The following DNER variants were observed in gnomAD, a reference collection of about 807,000 sequenced individuals.
DNER encodes delta and Notch-like epidermal growth factor-related receptor.
A neutral mutation model predicts 78.2 loss-of-function variants in DNER; 33 were observed. That is an observed-to-expected ratio of 0.42 (90% confidence interval 0.32 to 0.56). The LOEUF (loss-of-function observed/expected upper bound fraction) is 0.56, where lower values mean the gene tolerates loss of function less well. Among genes scored for constraint, DNER ranks in the 20% least tolerant of loss-of-function variants. The pLI is 0.11. For missense variants in DNER, 918 were observed against 975.3 expected, an observed-to-expected ratio of 0.94 and a Z score of 0.78; for synonymous variants, 417 against 384.8, an observed-to-expected ratio of 1.08 and a Z score of -0.98.
intron 5 of DNER, among the ~76,000 whole-genome samples, chr2:229,525,204 G>T (rs1056746083): frequency 1.3e-5 from 2 of 152,166 alleles, no homozygotes; most frequent in Non-Finnish European, 2.9e-5. Context: ...CTTTAACCCA[G>T]CTTCACTTTC....
chr2:229,510,858 A>C (rs1695852783), intron 6 of DNER, among the ~76,000 whole-genome samples: 1 of 152,200 alleles, frequency 6.6e-6, no homozygotes, highest in Admixed American at 6.5e-5. Flanking sequence ...ACTTGGTATG[A>C]TGTCTGTGAT....
intron 1 of DNER, among the ~76,000 whole-genome samples, chr2:229,656,380 A>C (rs1308890809): frequency 6.6e-6 from 1 of 152,106 alleles, no homozygotes; most frequent in Non-Finnish European, 1.5e-5. Flanking sequence ...GCAGCAAAAA[A>C]CAGTCCCTAC....
chr2:229,455,499 T>C (rs1694552624), intron 7 of DNER, among the ~76,000 whole-genome samples: 1 of 152,022 alleles, frequency 6.6e-6, no homozygotes, highest in African/African-American at 2.4e-5. Flanking sequence ...TGGAATACCA[T>C]CCATTTTCAC....
At chr2:229,590,802 T>C (rs1420816894) in intron 2 of DNER, among the ~76,000 whole-genome samples, 1 of 152,240 alleles carries the variant, frequency 6.6e-6, no homozygotes, top group Non-Finnish European at 1.5e-5. Flanking sequence ...GATCTGTGTC[T>C]TCAAATCTCA....
chr2:229,367,011 A>G lies in DNER; in HGVS notation c.1964T>C (p.Ile655Thr), dbSNP rs776566467. 6.2e-7 allele frequency: 1 copy of G among 1,614,122 alleles called. No homozygotes were observed. The highest frequency in any genetic ancestry group is 1.3e-5 in the African/African-American group (1 of 75,038). Residue 655 changes from isoleucine (I) to threonine (T), a missense_variant, in exon 12 of 13, where the codon ATC becomes ACC. Ile to Thr is a moderately conservative substitution (Grantham distance 89). Transcript: ENST00000341772. The stretch of plus-strand genomic sequence containing the variant: ...GCGGCAAATCCCCACGATCAGGATG[A>G]TCAGCATAAGGATGAAGGCCACGCA... ...ALCVAFILML[I>T]ILIVGICRIS...
chr2:229,587,074 G>T, intron 3 of DNER: 1 of 880,118 alleles, frequency 1.1e-6, no homozygotes, highest in Non-Finnish European at 1.4e-6. Context: ...CAGGTTTGTT[G>T]AGAGGAAAAA....
chr2:229,383,704 A>G (rs867055111), intron 11 of DNER, among the ~76,000 whole-genome samples: 25 of 151,362 alleles, frequency 1.7e-4, no homozygotes, highest in African/African-American at 5.6e-4. Flanking sequence ...AAACAAGAAG[A>G]GCTAACTGTC....
chr2:229,436,416 T>C (rs537480361), intron 8 of DNER, among the ~76,000 whole-genome samples: 7 of 152,168 alleles, frequency 4.6e-5, no homozygotes, highest in Non-Finnish European at 7.4e-5. Context: ...AACATATGTA[T>C]GTATGTGTCT....
chr2:229,549,488 G>A (rs778906266), intron 4 of DNER, among the ~76,000 whole-genome samples: 3 of 152,048 alleles, frequency 2.0e-5, no homozygotes, highest in Non-Finnish European at 4.4e-5. Flanking sequence ...GTATTGAGGC[G>A]GGGTGTCACC....
At chr2:229,506,290 C>T in intron 6 of DNER, among the ~76,000 whole-genome samples, 1 of 152,064 alleles carries the variant, frequency 6.6e-6, no homozygotes, top group East Asian at 1.9e-4. Flanking sequence ...TGAGCAAAAC[C>T]ATTATAAAAC....
chr2:229,598,898 G>A (rs1332796081), intron 1 of DNER, among the ~76,000 whole-genome samples: 2 of 152,066 alleles, frequency 1.3e-5, no homozygotes, highest in African/African-American at 4.8e-5. Flanking sequence ...CCAGCTTGAA[G>A]ACTTAAGATT....
intron 1 of DNER, among the ~76,000 whole-genome samples, chr2:229,594,690 C>T (rs554039239): frequency 6.6e-6 from 1 of 152,032 alleles, no homozygotes; most frequent in South Asian, 2.1e-4. Flanking sequence ...TGATTTTCAG[C>T]CAAGAGTTCT....
At chr2:229,688,770 C>T (rs1357207548) in intron 1 of DNER, among the ~76,000 whole-genome samples, 1 of 152,086 alleles carries the variant, frequency 6.6e-6, no homozygotes, top group African/African-American at 2.4e-5. Flanking sequence ...CAACGATAGA[C>T]TGGATAATGT....
At chr2:229,382,163 A>C (rs991695759) in intron 11 of DNER, among the ~76,000 whole-genome samples, 6 of 152,242 alleles carry the variant, frequency 3.9e-5, no homozygotes, top group African/African-American at 1.4e-4. Flanking sequence ...GCAGACCCAC[A>C]GCAGAGGGGT....
intron 12 of DNER, among the ~76,000 whole-genome samples, chr2:229,366,164 C>G (rs541347607): frequency 6.6e-6 from 1 of 152,208 alleles, no homozygotes; most frequent in East Asian, 1.9e-4. Flanking sequence ...GCACATGTAT[C>G]CCAGAACTTA....
At chr2:229,483,494 G>A (rs1407177667) in intron 6 of DNER, among the ~76,000 whole-genome samples, 1 of 152,200 alleles carries the variant, frequency 6.6e-6, no homozygotes, top group African/African-American at 2.4e-5. Context: ...CAATTAAAAT[G>A]TTTAGCTGAG....
chr2:229,369,343 A>C (rs1050120148), intron 11 of DNER, among the ~76,000 whole-genome samples: 1 of 149,756 alleles, frequency 6.7e-6, no homozygotes, highest in South Asian at 2.1e-4. Context: ...GTTAAAAAAA[A>C]GTTTTAACTT....
chr2:229,556,793 T>C (rs961701188), intron 4 of DNER, among the ~76,000 whole-genome samples: 1 of 152,238 alleles, frequency 6.6e-6, no homozygotes, highest in Non-Finnish European at 1.5e-5. Flanking sequence ...TGCAACAGTG[T>C]GTCACACATT....
intron 5 of DNER, among the ~76,000 whole-genome samples, chr2:229,540,230 G>A (rs1034783880): frequency 9.2e-5 from 14 of 152,104 alleles, no homozygotes; most frequent in Non-Finnish European, 1.8e-4. Context: ...GAGACTCAGG[G>A]GGAGCAGGGC....
Sources: gnomAD v4.1 joint callset for allele counts (sites outside exome capture counted in the v4.1 genomes callset) on GRCh38, gnomAD v4.1.1 for gene constraint, MANE v1.5 for transcripts, NCBI Gene and HGNC (gene_info 2026-07-23, HGNC 2026-07-21) for gene names.